The following ANO10 variants were observed in gnomAD, a reference collection of about 807,000 sequenced individuals.
ANO10 encodes the protein anoctamin-10.
Under a neutral mutation model 74.7 loss-of-function variants are expected in ANO10, and 77 were observed. The observed-to-expected ratio is 1.03, with a 90% confidence interval of 0.86 to 1.25. ANO10 has a LOEUF of 1.25. Ranked by LOEUF, ANO10 falls within the 50% of genes most tolerant of loss-of-function variation. ANO10 has a pLI of 0.00. For missense variants in ANO10, 721 were observed against 778.1 expected (o/e 0.93, Z 0.87); for synonymous variants, 279 against 284.9 (o/e 0.98, Z 0.21).
In ANO10 at chr3:43,513,801, G is replaced by A. The variant is rs555907266; in HGVS notation, c.1797+35919C>T. Among the ~76,000 whole-genome samples, 4 of 152,140 alleles carry A rather than the reference G, an allele frequency of 2.6e-5. No homozygotes were observed. In the South Asian group the frequency reaches 6.2e-4, roughly 24 times the overall value. On this transcript the variant is annotated intron_variant, in intron 11 of 12. Transcript: ENST00000292246. The stretch of plus-strand genomic sequence containing the variant: ...CTGGGATTACAGGCATTGAGCCACC[G>A]TGCCCAGCCACACACTTCTATGATT...
chr3:43,682,707 C>G (rs1227324975), intron 1 of ANO10, among the ~76,000 whole-genome samples: 1 of 152,194 alleles, frequency 6.6e-6, no homozygotes, highest in African/African-American at 2.4e-5. Context: ...CCGAATCCAG[C>G]AGCACATCAA....
chr3:43,412,842 G>C (rs2092686345), intron 12 of ANO10, among the ~76,000 whole-genome samples: 1 of 152,202 alleles, frequency 6.6e-6, no homozygotes. Flanking sequence ...CTTGAGGTCA[G>C]GAGTTGGAGA....
chr3:43,487,567 T>G (rs2076545004), intron 11 of ANO10, among the ~76,000 whole-genome samples: 1 of 152,052 alleles, frequency 6.6e-6, no homozygotes, highest in African/African-American at 2.4e-5. Context: ...ATCCATTTCT[T>G]CTAGATTTTC....
intron 1 of ANO10, among the ~76,000 whole-genome samples, chr3:43,656,051 A>G (rs2083846428): frequency 7.4e-6 from 1 of 134,562 alleles, no homozygotes; most frequent in African/African-American, 2.8e-5. Context: ...CCATTGGTGC[A>G]TTCACAAACC....
intron 12 of ANO10, among the ~76,000 whole-genome samples, chr3:43,405,119 G>A (rs1006471594): frequency 1.3e-5 from 2 of 152,192 alleles, no homozygotes; most frequent in African/African-American, 4.8e-5. Context: ...GATCTAACAT[G>A]TCCTTTTAAT....
intron 1 of ANO10, among the ~76,000 whole-genome samples, chr3:43,673,327 A>G (rs2084082381): frequency 2.0e-5 from 3 of 152,228 alleles, no homozygotes. Flanking sequence ...GATATTCAGT[A>G]AGCCGTATTC....
In ANO10 at chr3:43,598,669, A is replaced by C; in HGVS notation, c.338-3T>G. On this transcript the variant is annotated splice_region_variant and splice_polypyrimidine_tract_variant and intron_variant, in intron 3 of 12. Transcript: ENST00000292246. ...TGTCAGGAAATCATCATTGTTATCT[A>C]AAATAAAACAGAAATTACCAGATTT... 1.9e-6 allele frequency: 3 copies of C among 1,595,358 alleles called. No homozygotes were observed. Among genetic ancestry groups the C allele is most frequent in the Non-Finnish European group, 1.7e-6 (2 of 1,168,558 alleles).
intron 4 of ANO10, among the ~76,000 whole-genome samples, chr3:43,596,783 A>G (rs1271129742): frequency 3.3e-5 from 5 of 152,240 alleles, no homozygotes; most frequent in Non-Finnish European, 7.3e-5. Context: ...TAAACCAAAG[A>G]GCTTCTGCAC....
chr3:43,583,007 T>TA (rs2081329849), intron 4 of ANO10, among the ~76,000 whole-genome samples: 1 of 152,180 alleles, frequency 6.6e-6, no homozygotes. Context: ...GGAACTGACT[T>TA]ACAGCATATA....
At chr3:43,399,239 G>A (rs989022536) in intron 12 of ANO10, among the ~76,000 whole-genome samples, 1 of 152,184 alleles carries the variant, frequency 6.6e-6, no homozygotes, top group African/African-American at 2.4e-5. Flanking sequence ...ATACAGCCTT[G>A]CCCATTCTAT....
At chr3:43,672,820 T>C (rs533051468) in intron 1 of ANO10, among the ~76,000 whole-genome samples, 5 of 152,312 alleles carry the variant, frequency 3.3e-5, no homozygotes, top group African/African-American at 1.2e-4. Flanking sequence ...GGTATATTTA[T>C]AAATCAGCTT....
intron 11 of ANO10, among the ~76,000 whole-genome samples, chr3:43,516,553 T>C (rs1041474609): frequency 2.0e-5 from 3 of 152,198 alleles, no homozygotes; most frequent in African/African-American, 4.8e-5. Context: ...AAAGGCTTTT[T>C]CAGCTTGCAA....
intron 12 of ANO10, among the ~76,000 whole-genome samples, chr3:43,395,151 A>G (rs2092353773): frequency 6.6e-6 from 1 of 152,164 alleles, no homozygotes; most frequent in Non-Finnish European, 1.5e-5. Context: ...TCAGGTAATT[A>G]TCAGGGTAAT....
At chr3:43,474,137 C>T (rs1183628334) in intron 11 of ANO10, among the ~76,000 whole-genome samples, 1 of 152,092 alleles carries the variant, frequency 6.6e-6, no homozygotes, top group South Asian at 2.1e-4. Flanking sequence ...TTATTGATTT[C>T]CACCTAGGAT....
chr3:43,640,040 A>G (rs2083656022), intron 1 of ANO10, among the ~76,000 whole-genome samples: 1 of 152,230 alleles, frequency 6.6e-6, no homozygotes, highest in Non-Finnish European at 1.5e-5. Context: ...GTAAAGGAAG[A>G]GGACACAGAG....
At chr3:43,370,917 A>C (rs1340880577) in intron 12 of ANO10, among the ~76,000 whole-genome samples, 2 of 152,162 alleles carry the variant, frequency 1.3e-5, no homozygotes, top group African/African-American at 4.8e-5. Flanking sequence ...TGAGAATTGC[A>C]ATGCTTCCCA....
chr3:43,536,030 C>A (rs2078695346), intron 11 of ANO10, among the ~76,000 whole-genome samples: 1 of 152,188 alleles, frequency 6.6e-6, no homozygotes. Flanking sequence ...GGACCATAAT[C>A]ACATACTTAT....
At chr3:43,541,452 C>T (rs1461819891) in intron 11 of ANO10, among the ~76,000 whole-genome samples, 1 of 152,144 alleles carries the variant, frequency 6.6e-6, no homozygotes, top group Non-Finnish European at 1.5e-5. Context: ...ATGTTCTCAA[C>T]CACTATACCA....
At chr3:43,567,744 G>T (rs1191748860) in intron 7 of ANO10, among the ~76,000 whole-genome samples, 2 of 151,914 alleles carry the variant, frequency 1.3e-5, no homozygotes, top group Non-Finnish European at 2.9e-5. Flanking sequence ...AAAATGTAAA[G>T]ACCATCGAGA....
Sources: allele counts gnomAD v4.1 joint callset (sites outside exome capture counted in the v4.1 genomes callset), GRCh38; gene constraint gnomAD v4.1.1; transcripts MANE v1.5; gene names NCBI Gene and HGNC (gene_info 2026-07-23, HGNC 2026-07-21).